CCDC27: variants seen among roughly 807,000 people sequenced by gnomAD.
The protein encoded by CCDC27 is coiled-coil domain-containing protein 27.
Under a neutral mutation model 80.3 loss-of-function variants are expected in CCDC27, and 80 were observed. That is an observed-to-expected ratio of 1.00 (90% CI 0.83 to 1.20). CCDC27 has a LOEUF of 1.20. Among genes scored for constraint, CCDC27 ranks in the 50% most tolerant of loss-of-function variants. The probability of loss-of-function intolerance (pLI) is 0.00; values close to 1 mark genes in which losing one functional copy is unlikely to be tolerated. For missense variants in CCDC27, 815 were observed against 809.4 expected (o/e 1.01, Z -0.08); for synonymous variants, 342 against 334.3 (o/e 1.02, Z -0.25).
chr1:3,759,395 T>A (rs12131045), intron 4 of CCDC27, among the ~76,000 whole-genome samples: 2 of 152,096 alleles, frequency 1.3e-5, no homozygotes, highest in African/African-American at 2.4e-5. Context: ...TTGATGCAGC[T>A]TGGGCAGGGT....
rs138952248 is a variant in CCDC27 at position 3,762,640 on chromosome 1, G to A, written c.882G>A (p.Ser294=). The A allele has an allele frequency of 1.3e-4, 209 of 1,550,578 alleles. No homozygotes were observed. The African/African-American group carries it at 1.9e-3, about 14-fold the overall frequency. ...TGCAGGAGCAGCTCTCAGACGCTTCGCTGAAGCTGGGCAGGCTGAGCCTCC... is the reference window on the plus strand; with the variant it reads ...TGCAGGAGCAGCTCTCAGACGCTTCACTGAAGCTGGGCAGGCTGAGCCTCC... ...PGRREQLSDA[S]LKLGRLSLLK... The change falls in exon 6 of 12, where the codon TCG becomes TCA. Residue 294 remains serine, a synonymous_variant. Coordinates refer to ENST00000294600, the MANE Select transcript of CCDC27 (RefSeq NM_152492.3).
chr1:3,762,510 C>T, intron 5 of CCDC27, 110 bp from the exon 6 acceptor site: 1 of 816,252 alleles, frequency 1.2e-6, no homozygotes, highest in Non-Finnish European at 1.9e-6. Context: ...GGATGCAGGT[C>T]CCCTCCCCAG....
chr1:3,763,489 G>A lies in CCDC27; in HGVS notation c.1321+15G>A, dbSNP rs748884236. On this transcript the variant is annotated intron_variant, in intron 7 of 11. Transcript: ENST00000294600. The surrounding 1 kb of genome is among the most constrained non-coding windows in gnomAD (Gnocchi z 7.5). Reference sequence around the variant, plus strand: ...CCTTGCAACAGGTAGGGCCTCGGCGGGGGGCACTGGGCTTTGGCCACTCAG... The same window carrying A: ...CCTTGCAACAGGTAGGGCCTCGGCGAGGGGCACTGGGCTTTGGCCACTCAG... 3.2e-6 allele frequency: 5 copies of A among 1,575,640 alleles called. No individual in the cohort carries two copies. Among genetic ancestry groups the A allele is most frequent in the Admixed American group, 3.5e-5 (2 of 56,588 alleles).
chr1:3,755,879 G>A (rs945571093), intron 3 of CCDC27: 10 of 317,280 alleles, frequency 3.2e-5, no homozygotes, highest in South Asian at 1.4e-4. Context: ...GAGACCCCCC[G>A]GGACACTGCT....
intron 6 of CCDC27, 161 bp downstream of exon 6, chr1:3,762,873 C>A: frequency 1.3e-6 from 1 of 799,662 alleles, no homozygotes; most frequent in Non-Finnish European, 1.9e-6. Flanking sequence ...GTCGTTAGCC[C>A]CCTTGAAGGC....
In CCDC27 at chr1:3,769,760, T is replaced by C. The variant is rs1643313942; in HGVS notation, c.1744-23T>C. 1.3e-6 allele frequency: 2 copies of C among 1,573,780 alleles called. No individual in the cohort carries two copies. The highest frequency in any genetic ancestry group is 1.7e-6 in the Non-Finnish European group (2 of 1,143,432). ...TGCCTTCTTGGGTAAAGGCGAATGA[T>C]AGTGTTGTCCCTTTGCTCACAGCTC... On this transcript the variant is annotated intron_variant, in intron 10 of 11. Coordinates refer to ENST00000294600, the MANE Select transcript of CCDC27 (RefSeq NM_152492.3). This position sits in a 1 kb window ranked among gnomAD's most constrained non-coding sequence, Gnocchi z 4.6.
Position 3,769,623 on chromosome 1 carries a change from T to A in CCDC27, c.1744-160T>A, listed in dbSNP as rs1643311485. On this transcript the variant is annotated intron_variant, in intron 10 of 11. Transcript: ENST00000294600. This position sits in a 1 kb window ranked among gnomAD's most constrained non-coding sequence, Gnocchi z 4.6. ...CTCCTAGCTCTCAGACAATCCACAT[T>A]GACTTCTCTGACACCTGTTTCCAGT... 6.6e-6 allele frequency among the ~76,000 whole-genome samples: 1 copy of A among 152,120 alleles called. No individual in the cohort carries two copies. The highest frequency in any genetic ancestry group is 2.4e-5 in the African/African-American group (1 of 41,396).
At chr1:3,764,266 C>T (rs576843037) in intron 8 of CCDC27, among the ~76,000 whole-genome samples, 25 of 152,298 alleles carry the variant, frequency 1.6e-4, no homozygotes, top group African/African-American at 3.6e-4. Flanking sequence ...TCATGCACAT[C>T]GCTTAAAGAA....
chr1:3,769,723 CCA>C lies in CCDC27; in HGVS notation c.1744-58_1744-57del, dbSNP rs1643313213. ...AAAATAAGGTGGTGGGGGGTGCAGC[CCA>C]CTGGCCAGGTGCCTTCTTGGGTAAA... On this transcript the variant is annotated intron_variant, in intron 10 of 11. Transcript: ENST00000294600. The surrounding 1 kb of genome is among the most constrained non-coding windows in gnomAD (Gnocchi z 4.6). 11 of 1,175,828 alleles carry C rather than the reference CCA, an allele frequency of 9.4e-6. No individual in the cohort carries two copies. In the South Asian group the frequency reaches 1.3e-4, roughly 14 times the overall value. The allele number at this position is 1,175,828 out of a possible 1,614,324, so 72.8% of individuals were successfully genotyped here.
chr1:3,757,441 G>T (rs55805269), intron 4 of CCDC27, among the ~76,000 whole-genome samples: 8,660 of 151,172 alleles, frequency 0.057, 778 homozygotes, highest in African/African-American at 0.19. Context: ...ATTATTATTA[G>T]TAGTAGTAGT....
Position 3,769,722 on chromosome 1 carries a change from C to A in CCDC27, c.1744-61C>A. On this transcript the variant is annotated intron_variant, in intron 10 of 11. Coordinates refer to ENST00000294600, the MANE Select transcript of CCDC27 (RefSeq NM_152492.3). This position sits in a 1 kb window ranked among gnomAD's most constrained non-coding sequence, Gnocchi z 4.6. ...AAAAATAAGGTGGTGGGGGGTGCAG[C>A]CCACTGGCCAGGTGCCTTCTTGGGT... The A allele has an allele frequency of 8.7e-7, 1 of 1,155,502 alleles. No individual in the cohort carries two copies. Among genetic ancestry groups the A allele is most frequent in the Non-Finnish European group, 1.3e-6 (1 of 761,716 alleles). 71.6% of individuals were successfully genotyped at this position (1,155,502 alleles called of 1,614,324 possible).
chr1:3,766,615 G>A lies in CCDC27; in HGVS notation c.1530+3G>A, dbSNP rs751737604. On this transcript the variant is annotated splice_donor_region_variant and intron_variant, in intron 9 of 11. Transcript: ENST00000294600. The surrounding 1 kb of genome is among the most constrained non-coding windows in gnomAD (Gnocchi z 6.1). ...AGGACAACCAGCTCCTCCGACAGGTGACAGCCTGGGTGTCGTTAAATGATC... is the reference window on the plus strand; with the variant it reads ...AGGACAACCAGCTCCTCCGACAGGTAACAGCCTGGGTGTCGTTAAATGATC... The A allele has an allele frequency of 4.3e-6, 7 of 1,611,966 alleles. No homozygotes were observed. Among genetic ancestry groups the A allele is most frequent in the Admixed American group, 1.7e-5 (1 of 59,952 alleles).
intron 4 of CCDC27, among the ~76,000 whole-genome samples, chr1:3,758,729 G>A (rs1218397981): frequency 6.6e-6 from 1 of 152,172 alleles, no homozygotes; most frequent in Non-Finnish European, 1.5e-5. Flanking sequence ...TCGAATAGCT[G>A]GGACCACAGG....
At chr1:3,767,186 G>C in intron 9 of CCDC27, 47 bp from the exon 10 acceptor site, 1 of 1,580,702 alleles carries the variant, frequency 6.3e-7, no homozygotes, top group South Asian at 1.1e-5. Context: ...ACATACTCAG[G>C]TTGGGCGAAA....
chr1:3,766,634 A>G lies in CCDC27; in HGVS notation c.1530+22A>G. The G allele has an allele frequency of 6.3e-7, 1 of 1,594,246 alleles. No homozygotes were observed. The highest frequency in any genetic ancestry group is 8.6e-7 in the Non-Finnish European group (1 of 1,162,878). ...ACAGGTGACAGCCTGGGTGTCGTTA[A>G]ATGATCAGCCAGGCCACTGTTCTTA... On this transcript the variant is annotated intron_variant, in intron 9 of 11. Coordinates refer to ENST00000294600, the MANE Select transcript of CCDC27 (RefSeq NM_152492.3). The surrounding 1 kb of genome is among the most constrained non-coding windows in gnomAD (Gnocchi z 6.1).
At position 3,760,097 on chromosome 1, in the gene CCDC27, C is replaced by T. The variant is rs1643051301; in HGVS notation, c.712-1184C>T. ...AGCTGGCATTGTGTGAACTCGGCAG[C>T]TCTAACAGGAAATCGGATCTCCCTT... On this transcript the variant is annotated intron_variant, in intron 4 of 11. Coordinates refer to ENST00000294600, the MANE Select transcript of CCDC27 (RefSeq NM_152492.3). This position sits in a 1 kb window ranked among gnomAD's most constrained non-coding sequence, Gnocchi z 4.3. 2.0e-5 allele frequency among the ~76,000 whole-genome samples: 3 copies of T among 152,208 alleles called. No individual in the cohort carries two copies. The highest frequency in any genetic ancestry group is 4.4e-5 in the Non-Finnish European group (3 of 68,036).
chr1:3,755,995 T>C, intron 3 of CCDC27: 1 of 171,654 alleles, frequency 5.8e-6, no homozygotes, highest in South Asian at 1.5e-4. Context: ...AGTGACCAGC[T>C]CCCCTCAACC....
intron 11 of CCDC27, 89 bp from the exon 12 acceptor site, chr1:3,771,312 C>T (rs1036061053): frequency 7.1e-6 from 11 of 1,555,240 alleles, no homozygotes; most frequent in South Asian, 1.2e-5. Flanking sequence ...GGTGGCGTCC[C>T]GGGCAGCTGG....
rs565046550 is a variant in CCDC27 at position 3,762,233 on chromosome 1, G to A, written c.862-387G>A. On this transcript the variant is annotated intron_variant, in intron 5 of 11. Transcript: ENST00000294600. ...GGAAGGCTGCCTAGACACACAGGGCGGGGGCAGGGAAAGGTGGCCAGCCGG... is the reference window on the plus strand; with the variant it reads ...GGAAGGCTGCCTAGACACACAGGGCAGGGGCAGGGAAAGGTGGCCAGCCGG... Among the ~76,000 whole-genome samples, 8 of 152,158 alleles carry A rather than the reference G, an allele frequency of 5.3e-5. No homozygotes were observed. The South Asian group carries it at 6.2e-4, about 12-fold the overall frequency.
Sources: allele counts gnomAD v4.1 joint callset (sites outside exome capture counted in the v4.1 genomes callset), GRCh38; gene constraint gnomAD v4.1.1; non-coding constraint Gnocchi (gnomAD v3.1); transcripts MANE v1.5; gene names NCBI Gene and HGNC (gene_info 2026-07-23, HGNC 2026-07-21).